SDK2: variants seen among roughly 807,000 people sequenced by gnomAD.
SDK2 encodes the protein protein sidekick-2.
In SDK2, 105 loss-of-function variants were observed where a neutral mutation model predicts 253.9. The ratio of observed to expected loss-of-function variants is 0.41; its 90% confidence interval spans 0.35 to 0.49. The LOEUF (loss-of-function observed/expected upper bound fraction) is 0.49. Ranked by LOEUF, SDK2 falls within the 20% of genes least tolerant of loss-of-function variation. The pLI is 0.06. For synonymous variants in SDK2, 1,249 were observed against 1,234.9 expected (o/e 1.01, Z -0.24); for missense variants, 2,608 against 3,003.0 (o/e 0.87, Z 3.07).
chr17:73,594,610 A>G (rs2045727847), intron 1 of SDK2, among the ~76,000 whole-genome samples: 1 of 151,676 alleles, frequency 6.6e-6, no homozygotes, highest in Non-Finnish European at 1.5e-5. Context: ...ACACACACAC[A>G]ACACATACAA....
intron 1 of SDK2, among the ~76,000 whole-genome samples, chr17:73,558,991 G>A (rs945102728): frequency 2.0e-5 from 3 of 152,326 alleles, no homozygotes; most frequent in Non-Finnish European, 4.4e-5. Flanking sequence ...GACTAAAAAG[G>A]TAGCTGAGAA....
chr17:73,461,945 T>C (rs1428419931), intron 3 of SDK2, among the ~76,000 whole-genome samples: 3 of 151,272 alleles, frequency 2.0e-5, no homozygotes, highest in Non-Finnish European at 2.9e-5. Context: ...GTATGTATGT[T>C]TACATGTATG....
chr17:73,350,935 A>G, intron 41 of SDK2, 145 bp from the exon 42 acceptor site: 1 of 816,852 alleles, frequency 1.2e-6, no homozygotes, highest in East Asian at 2.6e-5. Context: ...CTCTGTAAGG[A>G]CAGTTTCACC....
At chr17:73,468,972 A>G (rs2063623988) in intron 3 of SDK2, among the ~76,000 whole-genome samples, 1 of 151,006 alleles carries the variant, frequency 6.6e-6, no homozygotes, top group Non-Finnish European at 1.5e-5. Flanking sequence ...TTAAAGGTGC[A>G]TGCCACCATG....
At chr17:73,369,817 TG>T (rs2062719874) in intron 36 of SDK2, among the ~76,000 whole-genome samples, 1 of 152,200 alleles carries the variant, frequency 6.6e-6, no homozygotes. Flanking sequence ...GGCTAATTTT[TG>T]GATTTTTAGT....
rs759856465 is a variant in SDK2 at position 73,423,504 on chromosome 17, G to A, written c.1779C>T (p.Pro593=). 9.5e-6 allele frequency: 15 copies of A among 1,572,178 alleles called. 2 individuals carry two copies. The highest frequency in any genetic ancestry group is 4.1e-5 in the African/African-American group (3 of 73,718). The change falls in exon 14 of 45, where the codon CCC becomes CCT. Residue 593 remains proline, a synonymous_variant. Transcript: ENST00000392650. The part of the protein sequence containing the change: ...HLRVRQLPHA[P]EHPVATLSTV... ...TGCTGAGAGTGGCCACTGGGTGCTC[G>A]GGCGCGTGGGGCAGTTGCCTGGAAA...
At chr17:73,449,422 C>G (rs1293101858) in intron 4 of SDK2, among the ~76,000 whole-genome samples, 1 of 151,994 alleles carries the variant, frequency 6.6e-6, no homozygotes, top group African/African-American at 2.4e-5. Context: ...ATAAACATCC[C>G]CACTAATGCT....
chr17:73,597,360 C>A (rs923579902), intron 1 of SDK2, among the ~76,000 whole-genome samples: 2 of 152,114 alleles, frequency 1.3e-5, no homozygotes, highest in Non-Finnish European at 2.9e-5. Context: ...CAGGTATGAC[C>A]CTCTGACCAT....
chr17:73,448,611 G>A (rs143322176), intron 4 of SDK2, among the ~76,000 whole-genome samples: 194 of 151,508 alleles, frequency 1.3e-3, no homozygotes, highest in African/African-American at 4.5e-3. Flanking sequence ...TGATCTGCCC[G>A]CCTTGGCCTC....
chr17:73,422,244 T>C (rs1248158648), intron 15 of SDK2, 43 bp downstream of exon 15: 2 of 1,604,506 alleles, frequency 1.2e-6, no homozygotes, highest in South Asian at 2.2e-5. Context: ...CCCCTGCCTG[T>C]TGGAGTCCTG....
At chr17:73,523,966 T>C (rs1223307860) in intron 1 of SDK2, among the ~76,000 whole-genome samples, 1 of 152,162 alleles carries the variant, frequency 6.6e-6, no homozygotes, top group Non-Finnish European at 1.5e-5. Flanking sequence ...TCTGGTGTCT[T>C]CCACAGAATA....
At chr17:73,603,622 G>A (rs933404797) in intron 1 of SDK2, among the ~76,000 whole-genome samples, 2 of 152,198 alleles carry the variant, frequency 1.3e-5, no homozygotes, top group Admixed American at 1.3e-4. Flanking sequence ...AGCCACTTAC[G>A]CTTCCCAGTT....
At chr17:73,625,506 AG>A (rs2046190137) in intron 1 of SDK2, among the ~76,000 whole-genome samples, 1 of 152,216 alleles carries the variant, frequency 6.6e-6, no homozygotes, top group South Asian at 2.1e-4. Flanking sequence ...TGGGCAGGGC[AG>A]GGTTCTTGGG....
At chr17:73,498,406 C>T (rs1392445666) in intron 2 of SDK2, among the ~76,000 whole-genome samples, 1 of 152,216 alleles carries the variant, frequency 6.6e-6, no homozygotes, top group Admixed American at 6.5e-5. Flanking sequence ...GCACCTCTAG[C>T]TCCAGTGAGA....
intron 1 of SDK2, among the ~76,000 whole-genome samples, chr17:73,551,680 T>C (rs1203466246): frequency 2.0e-5 from 3 of 152,330 alleles, no homozygotes; most frequent in Admixed American, 1.3e-4. Context: ...CTGTTTGCTA[T>C]GGACGCTGTG....
Position 73,387,943 on chromosome 17 carries a change from G to A in SDK2, c.4287C>T (p.Leu1429=), listed in dbSNP as rs781120547. Residue 1429 remains leucine, a synonymous_variant, in exon 30 of 45, where the codon CTC becomes CTT. Transcript: ENST00000392650. Reference sequence around the variant, plus strand: ...GGATGGTGTAGTAGCGCACAGGGGAGAGCCCGTCGCTCCCTGGCTCCCAGG... The same window carrying A: ...GGATGGTGTAGTAGCGCACAGGGGAAAGCCCGTCGCTCCCTGGCTCCCAGG... The part of the protein sequence containing the change: ...LLSWEPGSDG[L]SPVRYYTIQT... 6.3e-7 allele frequency: 1 copy of A among 1,580,438 alleles called. No homozygotes were observed. The highest frequency in any genetic ancestry group is 8.6e-7 in the Non-Finnish European group (1 of 1,164,044).
intron 42 of SDK2, 127 bp from the exon 43 acceptor site, chr17:73,350,502 T>C: frequency 7.0e-7 from 1 of 1,431,032 alleles, no homozygotes; most frequent in Non-Finnish European, 9.3e-7. Flanking sequence ...GAGATTGAGA[T>C]TGTGTGTAGA....
intron 1 of SDK2, among the ~76,000 whole-genome samples, chr17:73,510,705 GC>G (rs1455891995): frequency 6.6e-6 from 1 of 152,074 alleles, no homozygotes; most frequent in East Asian, 1.9e-4. Context: ...TGCTGGCCAG[GC>G]TGGTCTTGAA....
At chr17:73,571,768 C>T (rs2045390770) in intron 1 of SDK2, among the ~76,000 whole-genome samples, 1 of 152,214 alleles carries the variant, frequency 6.6e-6, no homozygotes, top group Admixed American at 6.5e-5. Context: ...CGGCCAGCGC[C>T]CTGCCCTCCC....
Sources: allele counts gnomAD v4.1 joint callset (sites outside exome capture counted in the v4.1 genomes callset), GRCh38; gene constraint gnomAD v4.1.1; transcripts MANE v1.5; gene names NCBI Gene and HGNC (gene_info 2026-07-23, HGNC 2026-07-21).